The following SLC6A6 variants were observed in gnomAD, a reference collection of about 807,000 sequenced individuals.
The protein encoded by SLC6A6 is sodium- and chloride-dependent taurine transporter.
In SLC6A6, 16 loss-of-function variants were observed where a neutral mutation model predicts 68.8. The ratio of observed to expected loss-of-function variants is 0.23; its 90% confidence interval spans 0.16 to 0.35. SLC6A6 has a LOEUF of 0.35. Among genes scored for constraint, SLC6A6 ranks in the 10% least tolerant of loss-of-function variants. The pLI is 1.00. For missense variants in SLC6A6, 474 were observed against 802.8 expected, an observed-to-expected ratio of 0.59 and a Z score of 4.95; for synonymous variants, 312 against 315.4, an observed-to-expected ratio of 0.99 and a Z score of 0.12.
intron 1 of SLC6A6, among the ~76,000 whole-genome samples, chr3:14,409,857 G>A (rs1699203749): frequency 6.6e-6 from 1 of 152,106 alleles, no homozygotes; most frequent in South Asian, 2.1e-4. Flanking sequence ...AGGCCCAAAG[G>A]AGGCACTTAT....
intron 9 of SLC6A6, among the ~76,000 whole-genome samples, chr3:14,471,239 G>A (rs548052214): frequency 6.7e-6 from 1 of 148,292 alleles, no homozygotes; most frequent in Admixed American, 6.9e-5. Context: ...GTTGGCATCC[G>A]CTTTCAGGCA....
chr3:14,436,291 C>T (rs1249161799), intron 2 of SLC6A6, among the ~76,000 whole-genome samples: 1 of 152,144 alleles, frequency 6.6e-6, no homozygotes, highest in African/African-American at 2.4e-5. Flanking sequence ...GCCTCCAACT[C>T]CCGGGTGCAA....
intron 1 of SLC6A6, among the ~76,000 whole-genome samples, chr3:14,409,850 C>T (rs1371388029): frequency 6.6e-6 from 1 of 152,100 alleles, no homozygotes; most frequent in African/African-American, 2.4e-5. Flanking sequence ...GACGCTGAGG[C>T]CCAAAGGAGG....
intron 5 of SLC6A6, among the ~76,000 whole-genome samples, chr3:14,454,729 A>T (rs1334561841): frequency 6.6e-6 from 1 of 152,186 alleles, no homozygotes; most frequent in African/African-American, 2.4e-5. Flanking sequence ...AAAACATTGA[A>T]ATAGTGCAAA....
At chr3:14,484,768 A>G in intron 14 of SLC6A6, 99 bp from the exon 15 acceptor site, 1 of 1,284,724 alleles carries the variant, frequency 7.8e-7, no homozygotes. Context: ...CAAAAACCAA[A>G]CAGCACATGA....
intron 6 of SLC6A6, among the ~76,000 whole-genome samples, chr3:14,459,241 T>A (rs1700440076): frequency 6.6e-6 from 1 of 152,164 alleles, no homozygotes; most frequent in Non-Finnish European, 1.5e-5. Flanking sequence ...AGGAGCGTCT[T>A]AAGGTAGCAT....
intron 2 of SLC6A6, among the ~76,000 whole-genome samples, chr3:14,421,762 G>A (rs1374887991): frequency 6.6e-6 from 1 of 152,206 alleles, no homozygotes; most frequent in African/African-American, 2.4e-5. Flanking sequence ...CAGGAAGGCA[G>A]TGAGAAACTG....
intron 1 of SLC6A6, among the ~76,000 whole-genome samples, chr3:14,408,837 C>T (rs374346457): frequency 2.6e-4 from 39 of 149,856 alleles, no homozygotes; most frequent in African/African-American, 4.4e-4. Flanking sequence ...GACGGAGTCT[C>T]GCTCTGTCGC....
chr3:14,422,281 G>C (rs556883978), intron 2 of SLC6A6, among the ~76,000 whole-genome samples: 11 of 152,254 alleles, frequency 7.2e-5, no homozygotes, highest in African/African-American at 2.6e-4. Flanking sequence ...GGACCCTCAG[G>C]GTGCCTTTAT....
intron 6 of SLC6A6, among the ~76,000 whole-genome samples, chr3:14,463,822 G>A (rs1700552088): frequency 1.3e-5 from 2 of 152,250 alleles, no homozygotes; most frequent in African/African-American, 4.8e-5. Flanking sequence ...AGGACGCCCG[G>A]GGGCAGAGGC....
chr3:14,462,678 G>A (rs928412340), intron 6 of SLC6A6, among the ~76,000 whole-genome samples: 1 of 152,016 alleles, frequency 6.6e-6, no homozygotes, highest in South Asian at 2.1e-4. Context: ...TAGCATGGGC[G>A]ACAGAGACCG....
chr3:14,444,276 A>C, intron 3 of SLC6A6: 1 of 191,550 alleles, frequency 5.2e-6, no homozygotes. Flanking sequence ...ACTTTACCAA[A>C]TGTACTCCAG....
At position 14,485,829 on chromosome 3, in the gene SLC6A6, C is replaced by T. The variant is rs1217748871; in HGVS notation, c.*822C>T. On this transcript the variant is annotated 3_prime_UTR_variant, in exon 15 of 15. Transcript: ENST00000622186. ...GAACCACTGGCCAGAGAGGGAGCTG[C>T]TAGAGATCCAAGAAGGCTGGCAGGA... 1 of 152,358 alleles carries T rather than the reference C, an allele frequency of 6.6e-6. No individual in the cohort carries two copies. The highest frequency in any genetic ancestry group is 2.4e-5 in the African/African-American group (1 of 41,422). The allele number at this position is 152,358 out of a possible 1,614,324, so 9.4% of individuals were successfully genotyped here. A position where few individuals can be genotyped will look rare whatever the true frequency, so the allele number is the denominator to read the frequency against.
Position 14,467,882 on chromosome 3 carries a change from C to T in SLC6A6, c.897C>T (p.Phe299=). 1 of 1,613,302 alleles carries T rather than the reference C, an allele frequency of 6.2e-7. No individual in the cohort carries two copies. The highest frequency in any genetic ancestry group is 8.5e-7 in the Non-Finnish European group (1 of 1,179,404). ...GGATTGACGCTGGGACTCAGATATT[C>T]TTCTCTTATGCCATCTGCCTGGGGG... ...QVWIDAGTQI[F]FSYAICLGAM... is the part of the protein sequence containing the mutation. The change falls in exon 8 of 15, where the codon TTC becomes TTT. Residue 299 remains phenylalanine, a synonymous_variant. Coordinates refer to ENST00000622186, the MANE Select transcript of SLC6A6 (RefSeq NM_003043.6).
chr3:14,419,506 T>C (rs1186935580), intron 2 of SLC6A6, among the ~76,000 whole-genome samples: 1 of 151,916 alleles, frequency 6.6e-6, no homozygotes, highest in Admixed American at 6.6e-5. Context: ...TGTAGTGGAG[T>C]CCATGGAGCT....
chr3:14,478,005 C>A (rs529694818), intron 11 of SLC6A6, among the ~76,000 whole-genome samples: 125 of 151,716 alleles, frequency 8.2e-4, no homozygotes, highest in Non-Finnish European at 1.5e-3. Flanking sequence ...CCCCCCCCCA[C>A]CACCTCCCCT....
At chr3:14,403,357 A>G (rs1339355516) in intron 1 of SLC6A6, among the ~76,000 whole-genome samples, 2 of 151,926 alleles carry the variant, frequency 1.3e-5, no homozygotes, top group Non-Finnish European at 2.9e-5. Flanking sequence ...TTGTGTCTGC[A>G]TGAATCTGTG....
chr3:14,464,727 A>C (rs1700576914), intron 6 of SLC6A6, among the ~76,000 whole-genome samples: 1 of 152,070 alleles, frequency 6.6e-6, no homozygotes, highest in African/African-American at 2.4e-5. Flanking sequence ...CTGGCACTGC[A>C]CCCCCAACTC....
chr3:14,470,053 T>C (rs115054820), intron 9 of SLC6A6, among the ~76,000 whole-genome samples: 1,646 of 152,354 alleles, frequency 0.011, 13 homozygotes, highest in Non-Finnish European at 0.016. Context: ...CCTCTGTAGA[T>C]GGCTTGCTTT....
Sources: allele counts gnomAD v4.1 joint callset (sites outside exome capture counted in the v4.1 genomes callset), GRCh38; gene constraint gnomAD v4.1.1; transcripts MANE v1.5; gene names NCBI Gene and HGNC (gene_info 2026-07-23, HGNC 2026-07-21).